HEPHL1: variants seen among roughly 807,000 people sequenced by gnomAD.
HEPHL1 encodes ferroxidase HEPHL1.
HEPHL1 carries 123 observed loss-of-function variants against 122.0 expected under a neutral mutation model. The ratio of observed to expected loss-of-function variants is 1.01; its 90% CI spans 0.87 to 1.17. HEPHL1 has a LOEUF of 1.17. Among genes scored for constraint, HEPHL1 ranks in the 50% most tolerant of loss-of-function variants. The pLI, the probability that HEPHL1 is intolerant of heterozygous loss-of-function variation, is 0.00. For missense variants in HEPHL1, 1,452 were observed against 1,430.5 expected, an observed-to-expected ratio of 1.01 and a Z score of -0.24; for synonymous variants, 527 against 508.9, an observed-to-expected ratio of 1.04 and a Z score of -0.48.
chr11:94,104,014 T>G (rs1346544466), intron 15 of HEPHL1, among the ~76,000 whole-genome samples: 1 of 152,262 alleles, frequency 6.6e-6, no homozygotes, highest in Non-Finnish European at 1.5e-5. Flanking sequence ...GAAAATAATA[T>G]GTCCACACTT....
chr11:94,073,205 T>C, intron 7 of HEPHL1, 41 bp downstream of exon 7: 1 of 1,610,822 alleles, frequency 6.2e-7, no homozygotes, highest in Non-Finnish European at 8.5e-7. Flanking sequence ...CCCAGGGAGA[T>C]GTTTTAGCTG....
intron 2 of HEPHL1, chr11:94,055,228 TG>T: frequency 3.7e-6 from 1 of 268,760 alleles, no homozygotes; most frequent in African/African-American, 2.2e-5. Context: ...CTTTTTCTGC[TG>T]CTCAGATTTT....
Position 94,078,446 on chromosome 11 carries a change from CATATATATATATATATAT to C in HEPHL1, c.1716+3074_1716+3091del, listed in dbSNP as rs6144452. ...GACACCAGCCACTACTCAGATGTTC[CATATATATATATATATAT>C]ATATATATATATGGAGAAAGAGACA... is the stretch of plus-strand genomic sequence containing the variant. On this transcript the variant is annotated intron_variant, in intron 9 of 19. Coordinates refer to ENST00000315765, the MANE Select transcript of HEPHL1 (RefSeq NM_001098672.2). Among the ~76,000 whole-genome samples the C allele has an allele frequency of 2.4e-4, 27 of 111,462 alleles. 1 individual carries two copies. The highest frequency in any genetic ancestry group is 1.0e-3 in the East Asian group (4 of 4,010). The allele number at this position is 111,462 out of a possible 152,430, so 73.1% of individuals were successfully genotyped here.
In HEPHL1 at chr11:94,073,316, A is replaced by G. The variant is rs371001785; in HGVS notation, c.1381A>G (p.Ile461Val). ...TCTGGATATTTTTTCAGGCCCAGTC[A>G]TCAAGGCAGAGGTGGGTGATACCCT... is the stretch of plus-strand genomic sequence containing the variant. ...EAHLGILGPV[I>V]KAEVGDTLLV... The change falls in exon 8 of 20, where the codon ATC becomes GTC. Residue 461 changes from isoleucine (I) to valine (V), a missense_variant. Ile to Val is a conservative substitution (Grantham distance 29, BLOSUM62 3). Transcript: ENST00000315765. 5 of 1,609,916 alleles carry G rather than the reference A, an allele frequency of 3.1e-6. No homozygotes were observed. The highest frequency in any genetic ancestry group is 4.2e-6 in the Non-Finnish European group (5 of 1,178,084).
At chr11:94,061,453 A>C (rs1354720319) in intron 2 of HEPHL1, among the ~76,000 whole-genome samples, 1 of 152,188 alleles carries the variant, frequency 6.6e-6, no homozygotes, top group Non-Finnish European at 1.5e-5. Flanking sequence ...AAGTGGACTG[A>C]AAAAGAGTGG....
chr11:94,088,679 C>A, intron 11 of HEPHL1, 76 bp from the exon 12 acceptor site: 1 of 1,079,612 alleles, frequency 9.3e-7, no homozygotes, highest in Non-Finnish European at 1.3e-6. Context: ...ATAAAATATG[C>A]AGGTTTGCTA....
rs147881771 is a variant in HEPHL1, at chr11:94,049,644, A to G, written c.415+3727A>G. On this transcript the variant is annotated intron_variant, in intron 2 of 19. Coordinates refer to ENST00000315765, the MANE Select transcript of HEPHL1 (RefSeq NM_001098672.2). ...AAAAAAAAAAAAAAAATCAATGACC[A>G]TAAGTATAAGGAGTTAATTTCAGTG... 7.5e-3 allele frequency among the ~76,000 whole-genome samples: 1,127 copies of G among 150,908 alleles called. 17 individuals are homozygous for G. The highest frequency in any genetic ancestry group is 0.026 in the African/African-American group (1,089 of 41,218).
At chr11:94,084,336 T>TTAAATAAATGAA (rs1555065836) in intron 10 of HEPHL1, among the ~76,000 whole-genome samples, 1 of 146,770 alleles carries the variant, frequency 6.8e-6, no homozygotes, top group Non-Finnish European at 1.5e-5. Context: ...CTCTCTCTGT[T>TTAAATAAATGAA]TAAATAAATA....
In HEPHL1 at chr11:94,045,920, A is replaced by G. The variant is rs776058999; in HGVS notation, c.415+3A>G. On this transcript the variant is annotated splice_donor_region_variant and intron_variant, in intron 2 of 19. Transcript: ENST00000315765. ...TTTCTACAACAAAGATTCAGAAGGT[A>G]AATATCAATCCTTTATTACTGGGGT... 16 of 1,613,400 alleles carry G rather than the reference A, an allele frequency of 9.9e-6. No homozygotes were observed. The highest frequency in any genetic ancestry group is 1.4e-5 in the Non-Finnish European group (16 of 1,179,624).
chr11:94,047,094 C>A (rs1945846403), intron 2 of HEPHL1, among the ~76,000 whole-genome samples: 1 of 152,218 alleles, frequency 6.6e-6, no homozygotes, highest in African/African-American at 2.4e-5. Flanking sequence ...CTCTTTTCCT[C>A]CACCTGGAGT....
intron 2 of HEPHL1, among the ~76,000 whole-genome samples, chr11:94,056,496 AT>A: frequency 6.6e-6 from 1 of 152,024 alleles, no homozygotes; most frequent in East Asian, 1.9e-4. Context: ...ATTTCTGTTT[AT>A]TTTTTAGCCT....
chr11:94,089,402 G>C (rs1017144784), intron 12 of HEPHL1, among the ~76,000 whole-genome samples: 1 of 152,198 alleles, frequency 6.6e-6, no homozygotes, highest in African/African-American at 2.4e-5. Flanking sequence ...CTCTAAGTGG[G>C]GGACCACCAA....
chr11:94,028,943 A>ATTTTCT (rs1945648452), intron 1 of HEPHL1, among the ~76,000 whole-genome samples: 2 of 151,470 alleles, frequency 1.3e-5, no homozygotes, highest in Non-Finnish European at 3.0e-5. Context: ...AAAACAAACT[A>ATTTTCT]CTTTCTCTTA....
At chr11:94,055,194 T>C (rs779914748) in intron 2 of HEPHL1, 174 of 253,590 alleles carry the variant, frequency 6.9e-4, no homozygotes, top group Admixed American at 1.4e-3. Context: ...CCTTGGAGAC[T>C]CCCTTGGCAG....
chr11:94,063,099 G>A (rs1168120842), intron 2 of HEPHL1, among the ~76,000 whole-genome samples: 2 of 152,170 alleles, frequency 1.3e-5, no homozygotes, highest in Non-Finnish European at 2.9e-5. Flanking sequence ...TGGTGAATCT[G>A]AAATAAGTCC....
At chr11:94,077,655 G>A (rs952165756) in intron 9 of HEPHL1, among the ~76,000 whole-genome samples, 1 of 152,210 alleles carries the variant, frequency 6.6e-6, no homozygotes, top group Non-Finnish European at 1.5e-5. Context: ...ATGAGATCAA[G>A]TCACTTTCCT....
At chr11:94,027,366 C>T (rs1373920869) in intron 1 of HEPHL1, among the ~76,000 whole-genome samples, 1 of 152,222 alleles carries the variant, frequency 6.6e-6, no homozygotes, top group Non-Finnish European at 1.5e-5. Flanking sequence ...TCTGCACATA[C>T]TCAGACACAG....
rs1946459491 is a variant in HEPHL1 at position 94,112,575 on chromosome 11, G to A, written c.*681G>A. 1 of 152,204 alleles carries A rather than the reference G, an allele frequency of 6.6e-6. No individual in the cohort carries two copies. The highest frequency in any genetic ancestry group is 2.1e-4 in the South Asian group (1 of 4,834). 9.4% of individuals were successfully genotyped at this position (152,204 alleles called of 1,614,324 possible). A position where few individuals can be genotyped will look rare whatever the true frequency, so the allele number is the denominator to read the frequency against. ...TTCAAACCTGTAGAAATACTTGAAT[G>A]TTTACAACTCACTTCATGTTACATG... On this transcript the variant is annotated 3_prime_UTR_variant, in exon 20 of 20. Coordinates refer to ENST00000315765, the MANE Select transcript of HEPHL1 (RefSeq NM_001098672.2).
At position 94,053,578 on chromosome 11, in the gene HEPHL1, G is replaced by T. The variant is rs192122638; in HGVS notation, c.415+7661G>T. ...TTTGAGAGTTTTTTTTAACTTCTGA[G>T]ATAGATGACTTAAAATCTAAATTTC... On this transcript the variant is annotated intron_variant, in intron 2 of 19. Transcript: ENST00000315765. 3.9e-5 allele frequency among the ~76,000 whole-genome samples: 6 copies of T among 151,940 alleles called. No individual in the cohort carries two copies. In the East Asian group the frequency reaches 1.2e-3, roughly 29 times the overall value.
Sources: allele counts gnomAD v4.1 joint callset (sites outside exome capture counted in the v4.1 genomes callset), GRCh38; gene constraint gnomAD v4.1.1; transcripts MANE v1.5; gene names NCBI Gene and HGNC (gene_info 2026-07-23, HGNC 2026-07-21).